Variants in BLK observed in about 807,000 individuals in gnomAD.
The protein encoded by BLK is BLK proto-oncogene, Src family tyrosine kinase.
In BLK, 64 loss-of-function variants were observed where a neutral mutation model predicts 61.8. The ratio of observed to expected loss-of-function variants is 1.03; its 90% CI spans 0.85 to 1.27. The LOEUF (loss-of-function observed/expected upper bound fraction) is 1.27, where lower values mean the gene tolerates loss of function less well. Among genes scored for constraint, BLK ranks in the 50% most tolerant of loss-of-function variants. The pLI is 0.00. For missense variants in BLK, 853 were observed against 660.5 expected, an observed-to-expected ratio of 1.29 and a Z score of -3.19; for synonymous variants, 351 against 272.0, an observed-to-expected ratio of 1.29 and a Z score of -2.86.
At chr8:11,517,032 G>T (rs1799257367) in intron 1 of BLK, among the ~76,000 whole-genome samples, 1 of 152,248 alleles carries the variant, frequency 6.6e-6, no homozygotes, top group Admixed American at 6.5e-5. Context: ...GAATGAGAGG[G>T]TGACACTGGG....
intron 6 of BLK, among the ~76,000 whole-genome samples, chr8:11,550,989 C>T (rs1373012067): frequency 6.6e-6 from 1 of 152,164 alleles, no homozygotes; most frequent in African/African-American, 2.4e-5. Flanking sequence ...CCCCCTCACT[C>T]CCCCACTTGG....
intron 1 of BLK, among the ~76,000 whole-genome samples, chr8:11,529,620 A>T (rs1799807712): frequency 6.6e-6 from 1 of 152,302 alleles, no homozygotes; most frequent in East Asian, 1.9e-4. Context: ...CCTGTGGCTA[A>T]TTTGTTAGTC....
At chr8:11,496,892 G>C (rs1310005672) in intron 1 of BLK, among the ~76,000 whole-genome samples, 2 of 152,212 alleles carry the variant, frequency 1.3e-5, no homozygotes, top group Non-Finnish European at 2.9e-5. Context: ...CAAAGGGCCA[G>C]ATCCCATTTG....
At chr8:11,551,956 A>T (rs1453450212) in intron 6 of BLK, among the ~76,000 whole-genome samples, 1 of 152,210 alleles carries the variant, frequency 6.6e-6, no homozygotes, top group African/African-American at 2.4e-5. Flanking sequence ...CCCAGGCAGT[A>T]TGAAGAATGC....
intron 11 of BLK, 40 bp from the exon 12 acceptor site, chr8:11,562,939 C>T (rs767888420): frequency 3.0e-5 from 48 of 1,612,664 alleles, no homozygotes; most frequent in Middle Eastern, 1.6e-4. Flanking sequence ...TAGGGGCCAC[C>T]GGCCGTGGCC....
chr8:11,563,994 C>T lies in BLK; in HGVS notation c.1404C>T (p.Val468=). ...GCCCGCCCGAGCTGTACCGCGGCGT[C>T]ATCGCCGAGTGCTGGCGCAGCCGGC... is the stretch of plus-strand genomic sequence containing the variant. ...DTCPPELYRG[V]IAECWRSRPE... Residue 468 remains valine, a synonymous_variant, in exon 13 of 13, where the codon GTC becomes GTT. Transcript: ENST00000259089. 6.2e-7 allele frequency: 1 copy of T among 1,605,982 alleles called. No individual in the cohort carries two copies.
chr8:11,549,852 G>A (rs1052154982), intron 5 of BLK: 19 of 406,572 alleles, frequency 4.7e-5, no homozygotes, highest in Non-Finnish European at 7.5e-5. Context: ...ATACGCAGCT[G>A]TGCTTTGGAG....
intron 1 of BLK, among the ~76,000 whole-genome samples, chr8:11,524,080 T>C (rs1404309073): frequency 6.6e-6 from 1 of 152,230 alleles, no homozygotes; most frequent in Non-Finnish European, 1.5e-5. Flanking sequence ...GGTTTATTTA[T>C]AACAGCCAAA....
In BLK at chr8:11,551,918, G is replaced by A. The variant is rs571728412; in HGVS notation, c.472+1656G>A. Among the ~76,000 whole-genome samples the A allele has an allele frequency of 2.6e-5, 4 of 152,274 alleles. No homozygotes were observed. The East Asian group carries it at 5.8e-4, about 22-fold the overall frequency. Reference sequence around the variant, plus strand: ...TGAGAGGCTTCCCAAGCTCTACAACGTGGCAAGCTAGGGTGACCCAGGGGC... The same window carrying A: ...TGAGAGGCTTCCCAAGCTCTACAACATGGCAAGCTAGGGTGACCCAGGGGC... On this transcript the variant is annotated intron_variant, in intron 6 of 12. Transcript: ENST00000259089.
intron 1 of BLK, among the ~76,000 whole-genome samples, chr8:11,518,901 C>T (rs538765388): frequency 2.0e-5 from 3 of 152,300 alleles, no homozygotes; most frequent in Admixed American, 1.3e-4. Context: ...TGCAAAGCCT[C>T]TCCTTGCCAC....
intron 1 of BLK, among the ~76,000 whole-genome samples, chr8:11,519,434 C>T (rs1453908710): frequency 1.3e-5 from 2 of 152,128 alleles, no homozygotes; most frequent in African/African-American, 2.4e-5. Flanking sequence ...AATTCATACA[C>T]AAATATTAGA....
At chr8:11,554,372 C>G (rs1801082088) in intron 6 of BLK, among the ~76,000 whole-genome samples, 1 of 152,176 alleles carries the variant, frequency 6.6e-6, no homozygotes, top group Non-Finnish European at 1.5e-5. Flanking sequence ...AATAAAGCCC[C>G]TAGTCACTCC....
chr8:11,553,674 G>A, intron 6 of BLK: 1 of 169,566 alleles, frequency 5.9e-6, no homozygotes, highest in Non-Finnish European at 1.3e-5. Context: ...ACCCGGGCAG[G>A]GTCGGGGAGA....
intron 1 of BLK, among the ~76,000 whole-genome samples, chr8:11,510,215 G>A (rs1439636588): frequency 2.0e-5 from 3 of 152,190 alleles, no homozygotes; most frequent in Admixed American, 2.0e-4. Context: ...TCATTTGGGG[G>A]CTGGCGTGGG....
intron 1 of BLK, among the ~76,000 whole-genome samples, chr8:11,506,261 G>C (rs1300658606): frequency 2.6e-5 from 4 of 152,204 alleles, no homozygotes; most frequent in Non-Finnish European, 5.9e-5. Context: ...GCAGACCTAG[G>C]GGAGGACAAT....
At chr8:11,519,570 T>C (rs1210861551) in intron 1 of BLK, among the ~76,000 whole-genome samples, 1 of 152,260 alleles carries the variant, frequency 6.6e-6, no homozygotes, top group Non-Finnish European at 1.5e-5. Context: ...CAAAAGTTTA[T>C]GTACAGCATC....
Position 11,564,180 on chromosome 8 carries a change from G to T in BLK, c.*72G>T, listed in dbSNP as rs1801621807. ...CCCGACTTCCGTGCCATCCCAGACGGGCCGCGAAGGCGGGGTGTCGCCTGT... is the reference window on the plus strand; with the variant it reads ...CCCGACTTCCGTGCCATCCCAGACGTGCCGCGAAGGCGGGGTGTCGCCTGT... On this transcript the variant is annotated 3_prime_UTR_variant, in exon 13 of 13. Transcript: ENST00000259089. 1.3e-6 allele frequency: 2 copies of T among 1,502,128 alleles called. No individual in the cohort carries two copies. The highest frequency in any genetic ancestry group is 2.0e-5 in the Admixed American group (1 of 50,716). The allele number at this position is 1,502,128 out of a possible 1,614,324, so 93.0% of individuals were successfully genotyped here.
At chr8:11,538,678 G>T (rs1446519815) in intron 1 of BLK, among the ~76,000 whole-genome samples, 2 of 152,198 alleles carry the variant, frequency 1.3e-5, no homozygotes, top group East Asian at 3.9e-4. Flanking sequence ...CTGGTCACCT[G>T]GGCAGATGCG....
intron 3 of BLK, 66 bp downstream of exon 3, chr8:11,546,169 G>C: frequency 1.3e-6 from 2 of 1,583,004 alleles, no homozygotes; most frequent in Non-Finnish European, 1.7e-6. Flanking sequence ...GCTTTGTGGA[G>C]TTGGAAAAAG....
Sources: allele counts gnomAD v4.1 joint callset (sites outside exome capture counted in the v4.1 genomes callset), GRCh38; gene constraint gnomAD v4.1.1; transcripts MANE v1.5; gene names NCBI Gene and HGNC (gene_info 2026-07-23, HGNC 2026-07-21).